Variants in ARHGAP6 observed in about 807,000 individuals in gnomAD.
ARHGAP6 encodes rho GTPase-activating protein 6.
A neutral mutation model predicts 55.7 loss-of-function variants in ARHGAP6; 16 were observed. The observed-to-expected ratio is 0.29, with a 90% CI of 0.19 to 0.44. ARHGAP6 has a LOEUF of 0.44. Among genes scored for constraint, ARHGAP6 ranks in the 20% least tolerant of loss-of-function variants. The pLI, the probability that ARHGAP6 is intolerant of heterozygous loss-of-function variation, is 1.00. For synonymous variants in ARHGAP6, 382 were observed against 360.9 expected (o/e 1.06, Z -0.66); for missense variants, 698 against 808.9 (o/e 0.86, Z 1.66).
intron 1 of ARHGAP6, among the ~76,000 whole-genome samples, chrX:11,476,996 A>C (rs980120613): frequency 9.0e-6 from 1 of 110,762 alleles, no homozygotes; most frequent in African/African-American, 3.3e-5. Context: ...TTTAAAATTC[A>C]TGCTCTTTGA....
At chrX:11,382,671 C>CA (rs2049276182) in intron 1 of ARHGAP6, among the ~76,000 whole-genome samples, 1 of 74,229 alleles carries the variant, frequency 1.3e-5, no homozygotes, top group African/African-American at 5.1e-5. Flanking sequence ...GTAGATCCCC[C>CA]AAAATTACCC....
intron 1 of ARHGAP6, among the ~76,000 whole-genome samples, chrX:11,520,177 ATT>A (rs1491536204): frequency 1.4e-5 from 1 of 71,028 alleles, no homozygotes; most frequent in Non-Finnish European, 2.6e-5. Flanking sequence ...ATATATATAT[ATT>A]ACTTTAAGTT....
intron 1 of ARHGAP6, among the ~76,000 whole-genome samples, chrX:11,576,787 C>G (rs1329795340): frequency 9.2e-6 from 1 of 109,277 alleles, no homozygotes; most frequent in Non-Finnish European, 1.9e-5. Context: ...TCTTTCAGTT[C>G]TGGAGGTCAG....
At chrX:11,183,265 G>C (rs935457740) in intron 5 of ARHGAP6, among the ~76,000 whole-genome samples, 4 of 111,178 alleles carry the variant, frequency 3.6e-5, no homozygotes, top group Non-Finnish European at 7.5e-5. Context: ...TGTATGAATG[G>C]GCCATAATTT....
intron 1 of ARHGAP6, among the ~76,000 whole-genome samples, chrX:11,292,593 T>TA (rs1234655829): frequency 1.8e-5 from 2 of 111,838 alleles, no homozygotes; most frequent in African/African-American, 6.5e-5. Context: ...AGGGCCGCCA[T>TA]ACTGAGAGGC....
intron 1 of ARHGAP6, among the ~76,000 whole-genome samples, chrX:11,509,856 C>T (rs1046083064): frequency 9.0e-6 from 1 of 111,685 alleles, no homozygotes; most frequent in African/African-American, 3.3e-5. Context: ...CGCTCAGTGA[C>T]GTGGGTATAG....
At chrX:11,158,482 G>C (rs1297998463) in intron 9 of ARHGAP6, among the ~76,000 whole-genome samples, 2 of 112,550 alleles carry the variant, frequency 1.8e-5, no homozygotes, top group South Asian at 3.7e-4. Context: ...GCTAGTTTGA[G>C]TTTTGCATTG....
At chrX:11,184,205 C>G (rs1411370167) in intron 5 of ARHGAP6, among the ~76,000 whole-genome samples, 1 of 111,955 alleles carries the variant, frequency 8.9e-6, no homozygotes, top group Non-Finnish European at 1.9e-5. Context: ...TTTCTCTTGC[C>G]ACTGAAAAAT....
At chrX:11,621,052 T>A (rs1278068971) in intron 1 of ARHGAP6, among the ~76,000 whole-genome samples, 1 of 111,467 alleles carries the variant, frequency 9.0e-6, no homozygotes, top group African/African-American at 3.3e-5. Context: ...CTCCAAACCA[T>A]CACCTAAAAT....
At chrX:11,148,331 A>G (rs966819198) in intron 10 of ARHGAP6, among the ~76,000 whole-genome samples, 1 of 111,684 alleles carries the variant, frequency 9.0e-6, no homozygotes, top group African/African-American at 3.3e-5. Context: ...GCACATAGTG[A>G]CATCTCTTTG....
chrX:11,365,794 G>A (rs900964157), intron 1 of ARHGAP6, among the ~76,000 whole-genome samples: 1 of 112,242 alleles, frequency 8.9e-6, no homozygotes, highest in Non-Finnish European at 1.9e-5. Flanking sequence ...TCATCTGTGA[G>A]AGCCATAGTT....
At chrX:11,624,797 C>T (rs1275055577) in intron 1 of ARHGAP6, among the ~76,000 whole-genome samples, 5 of 111,423 alleles carry the variant, frequency 4.5e-5, no homozygotes, top group South Asian at 3.7e-4. Flanking sequence ...GTGATCCACC[C>T]GCCTCAGCCT....
At chrX:11,401,459 G>C (rs950640641) in intron 1 of ARHGAP6, among the ~76,000 whole-genome samples, 1 of 111,696 alleles carries the variant, frequency 9.0e-6, no homozygotes, top group Non-Finnish European at 1.9e-5. Context: ...TTTGCTGTAG[G>C]GGCTGTTCTG....
chrX:11,277,937 T>C (rs1257722780), intron 1 of ARHGAP6, among the ~76,000 whole-genome samples: 1 of 111,574 alleles, frequency 9.0e-6, no homozygotes, highest in Non-Finnish European at 1.9e-5. Flanking sequence ...AGGCTTGCTT[T>C]AATTACTCTT....
chrX:11,589,324 G>C (rs779769471), intron 1 of ARHGAP6, among the ~76,000 whole-genome samples: 2 of 109,047 alleles, frequency 1.8e-5, no homozygotes, highest in East Asian at 5.8e-4. Context: ...TTACAGGCAC[G>C]AGCCACCGCA....
chrX:11,629,139 T>G (rs965732864), intron 1 of ARHGAP6, among the ~76,000 whole-genome samples: 3 of 111,750 alleles, frequency 2.7e-5, no homozygotes, highest in African/African-American at 9.8e-5. Context: ...CCTGCCTACT[T>G]TCCTCCATCT....
In ARHGAP6 at chrX:11,665,103, GCGAAGAGGGTCA is replaced by G. The variant is rs2052743211; in HGVS notation, c.-287_-276del. 6.8e-6 allele frequency: 2 copies of G among 293,542 alleles called. No homozygotes were observed. Among genetic ancestry groups the G allele is most frequent in the Admixed American group, 1.2e-4 (2 of 16,937 alleles). 24.2% of individuals were successfully genotyped at this position (293,542 alleles called of 1,213,427 possible). A position where few individuals can be genotyped will look rare whatever the true frequency, so the allele number is the denominator to read the frequency against. Reference sequence around the variant, plus strand: ...AGAACCTTCCTCCGGAGCCCAAGACGCGAAGAGGGTCAGGAAGAGGAGGAGGAAGGTCAGGCG... The same window carrying G: ...AGAACCTTCCTCCGGAGCCCAAGACGGGAAGAGGAGGAGGAAGGTCAGGCG... On this transcript the variant is annotated 5_prime_UTR_variant, in exon 1 of 13. Transcript: ENST00000337414.
intron 1 of ARHGAP6, among the ~76,000 whole-genome samples, chrX:11,609,775 T>C (rs1239154253): frequency 1.8e-5 from 2 of 111,704 alleles, no homozygotes; most frequent in African/African-American, 6.5e-5. Flanking sequence ...AAATATGAAG[T>C]GTCTGGTTCA....
At chrX:11,555,323 T>C (rs1050546444) in intron 1 of ARHGAP6, among the ~76,000 whole-genome samples, 2 of 111,375 alleles carry the variant, frequency 1.8e-5, no homozygotes, top group Non-Finnish European at 3.8e-5. Context: ...ACACAAATAA[T>C]GCTTAATACG....
Sources: gnomAD v4.1 joint callset for allele counts (sites outside exome capture counted in the v4.1 genomes callset) on GRCh38, gnomAD v4.1.1 for gene constraint, MANE v1.5 for transcripts, NCBI Gene and HGNC (gene_info 2026-07-23, HGNC 2026-07-21) for gene names.